The following WNT3 variants were observed in gnomAD, a reference collection of about 807,000 sequenced individuals.
The protein encoded by WNT3 is Wnt family member 3, also known as proto-oncogene Wnt-3.
In WNT3, 7 loss-of-function variants were observed where a neutral mutation model predicts 34.2. The ratio of observed to expected loss-of-function variants is 0.20; its 90% confidence interval spans 0.12 to 0.38. WNT3 has a LOEUF of 0.38. Ranked by LOEUF, WNT3 falls within the 10% of genes least tolerant of loss-of-function variation. The pLI, the probability that WNT3 is intolerant of heterozygous loss-of-function variation, is 1.00. For missense variants in WNT3, 267 were observed against 499.8 expected, an observed-to-expected ratio of 0.53 and a Z score of 4.44; for synonymous variants, 212 against 211.5, an observed-to-expected ratio of 1.00 and a Z score of -0.02.
chr17:46,780,605 T>C (rs1247359135), intron 1 of WNT3, among the ~76,000 whole-genome samples: 1 of 151,690 alleles, frequency 6.6e-6, no homozygotes, highest in East Asian at 2.0e-4. Flanking sequence ...TGAAACCCCG[T>C]CTCTACTAAA....
chr17:46,785,263 C>T (rs1183299054), intron 1 of WNT3, among the ~76,000 whole-genome samples: 3 of 152,262 alleles, frequency 2.0e-5, no homozygotes, highest in East Asian at 1.9e-4. Flanking sequence ...CACGTTGCCT[C>T]GGCTTAACTC....
intron 1 of WNT3, among the ~76,000 whole-genome samples, chr17:46,778,171 T>A (rs1257611143): frequency 6.6e-6 from 1 of 152,182 alleles, no homozygotes; most frequent in Admixed American, 6.5e-5. Flanking sequence ...GTCACCAACC[T>A]CATTTCTCCC....
intron 1 of WNT3, among the ~76,000 whole-genome samples, chr17:46,792,184 G>C (rs555939759): frequency 6.6e-6 from 1 of 152,338 alleles, no homozygotes; most frequent in East Asian, 1.9e-4. Context: ...CCCAGTTAAG[G>C]TTCCCCCAGG....
At chr17:46,810,248 T>C (rs1224034602) in intron 1 of WNT3, among the ~76,000 whole-genome samples, 1 of 152,064 alleles carries the variant, frequency 6.6e-6, no homozygotes, top group African/African-American at 2.4e-5. Context: ...CCTCAGGTGA[T>C]CCACCCGCCT....
chr17:46,772,628 C>G (rs982419383), intron 2 of WNT3, among the ~76,000 whole-genome samples: 3 of 152,228 alleles, frequency 2.0e-5, no homozygotes, highest in Non-Finnish European at 4.4e-5. Flanking sequence ...TAAACAGAAT[C>G]ATCATCCATT....
At chr17:46,779,043 C>G (rs1344103373) in intron 1 of WNT3, among the ~76,000 whole-genome samples, 1 of 93,378 alleles carries the variant, frequency 1.1e-5, no homozygotes, top group Non-Finnish European at 2.4e-5. Context: ...ATTCCCCGGT[C>G]CCTACCCCAT....
chr17:46,806,567 T>C (rs569528465), intron 1 of WNT3, among the ~76,000 whole-genome samples: 1 of 152,300 alleles, frequency 6.6e-6, no homozygotes, highest in Non-Finnish European at 1.5e-5. Flanking sequence ...TCGAGGCTGC[T>C]TTAGCTTCCA....
chr17:46,793,031 G>T (rs1021977549), intron 1 of WNT3, among the ~76,000 whole-genome samples: 1 of 151,610 alleles, frequency 6.6e-6, no homozygotes, highest in Non-Finnish European at 1.5e-5. Context: ...TTGAAAGGCC[G>T]AGGCGGGAGG....
At chr17:46,772,819 T>C (rs1286889166) in intron 2 of WNT3, among the ~76,000 whole-genome samples, 3 of 149,540 alleles carry the variant, frequency 2.0e-5, no homozygotes, top group Non-Finnish European at 4.4e-5. Context: ...ATCCCTTTTC[T>C]TTCTGGCTGT....
chr17:46,769,977 C>T lies in WNT3; in HGVS notation c.394G>A (p.Ala132Thr), dbSNP rs765884429. Residue 132 changes from alanine to threonine, a missense_variant, in exon 3 of 5, where the codon GCC becomes ACC. Ala to Thr is a moderately conservative substitution (Grantham distance 58). Transcript: ENST00000225512. ...CCGCAAATGGTGGAGGTGCCCTCGG[C>T]GCAGGAGCGGGTGACGGCGAAGGCC... Reference protein sequence around the residue: ...GVAFAVTRSCAEGTSTICGCD... With the variant: ...GVAFAVTRSCTEGTSTICGCD... 1.2e-6 allele frequency: 2 copies of T among 1,610,424 alleles called. No individual in the cohort carries two copies. The highest frequency in any genetic ancestry group is 2.2e-5 in the South Asian group (2 of 90,636).
At position 46,771,527 on chromosome 17, in the gene WNT3, G is replaced by A. The variant is rs552591668; in HGVS notation, c.323-1479C>T. Among the ~76,000 whole-genome samples, 4 of 149,098 alleles carry A rather than the reference G, an allele frequency of 2.7e-5. No homozygotes were observed. The East Asian group carries it at 8.0e-4, about 30-fold the overall frequency. On this transcript the variant is annotated intron_variant, in intron 2 of 4. Transcript: ENST00000225512. Reference sequence around the variant, plus strand: ...CGGGGGCGGGGCGGGGATTAGCCTGGGAGCGGCGCTGACAGCCCCGCTGTG... The same window carrying A: ...CGGGGGCGGGGCGGGGATTAGCCTGAGAGCGGCGCTGACAGCCCCGCTGTG...
At chr17:46,815,274 C>T (rs935166735) in intron 1 of WNT3, among the ~76,000 whole-genome samples, 8 of 152,162 alleles carry the variant, frequency 5.3e-5, no homozygotes, top group Admixed American at 2.0e-4. Context: ...TTTCCTGTCC[C>T]GGCTCTGTCA....
At chr17:46,772,702 C>T (rs2059384436) in intron 2 of WNT3, among the ~76,000 whole-genome samples, 1 of 152,190 alleles carries the variant, frequency 6.6e-6, no homozygotes. Flanking sequence ...GTGGGACAGA[C>T]CCTGAGCACC....
chr17:46,771,681 G>A (rs1381072306), intron 2 of WNT3, among the ~76,000 whole-genome samples: 2 of 143,478 alleles, frequency 1.4e-5, no homozygotes, highest in Non-Finnish European at 3.1e-5. Context: ...GCGTAGCAAC[G>A]GGCGGCTCCC....
intron 2 of WNT3, 38 bp downstream of exon 2, chr17:46,773,630 A>AAC: frequency 3.4e-5 from 5 of 149,010 alleles, no homozygotes; most frequent in South Asian, 7.6e-5. Flanking sequence ...CCCTCCCCCC[A>AAC]CCCAGCCCCT....
rs781282951 is a variant in WNT3 at position 46,769,918 on chromosome 17, T to A, written c.453A>T (p.Glu151Asp). 12 of 1,613,428 alleles carry A rather than the reference T, an allele frequency of 7.4e-6. No homozygotes were observed. The Admixed American group carries it at 8.3e-5, about 11-fold the overall frequency. Residue 151 changes from glutamate to aspartate, a missense_variant, in exon 3 of 5, where the codon GAA (glutamate) becomes GAT (aspartate). Around this residue, in one of 3 missense-constraint regions of WNT3, gnomAD observed 181 missense variants for 391.3 expected, o/e 0.46. Transcript: ENST00000225512. ...CDSHHKGPPG[E>D]GWKWGGCSED... ...CGCTGCAGCCGCCCCACTTCCAGCC[T>A]TCGCCAGGCGGCCCCTTATGATGCG...
chr17:46,817,236 C>T (rs2084363360), intron 1 of WNT3, among the ~76,000 whole-genome samples: 1 of 152,198 alleles, frequency 6.6e-6, no homozygotes, highest in Non-Finnish European at 1.5e-5. Flanking sequence ...CTACCCTGGA[C>T]TCTGGGTTGG....
At chr17:46,802,746 C>T (rs1021438786) in intron 1 of WNT3, among the ~76,000 whole-genome samples, 9 of 152,298 alleles carry the variant, frequency 5.9e-5, no homozygotes, top group African/African-American at 9.6e-5. Flanking sequence ...TAGCGGAACA[C>T]GTGGAGGTTC....
intron 4 of WNT3, among the ~76,000 whole-genome samples, chr17:46,765,073 G>T (rs935801822): frequency 6.6e-6 from 1 of 152,240 alleles, no homozygotes; most frequent in Non-Finnish European, 1.5e-5. Flanking sequence ...ACTTAATTAC[G>T]AACAATTCCT....
Sources: gnomAD v4.1 joint callset for allele counts (sites outside exome capture counted in the v4.1 genomes callset) on GRCh38, gnomAD v4.1.1 for gene constraint, gnomAD v4.1.1 regional missense constraint, MANE v1.5 for transcripts, NCBI Gene and HGNC (gene_info 2026-07-23, HGNC 2026-07-21) for gene names.